Variants in GREB1L observed in about 807,000 individuals in gnomAD.
The protein encoded by GREB1L is GREB1 like retinoic acid receptor coactivator, also known as GREB1-like protein.
Under a neutral mutation model 200.8 loss-of-function variants are expected in GREB1L, and 17 were observed. The observed-to-expected ratio is 0.08, with a 90% CI of 0.06 to 0.13. GREB1L has a LOEUF of 0.13. Ranked by LOEUF, GREB1L falls within the 10% of genes least tolerant of loss-of-function variation. The pLI is 1.00. For missense variants in GREB1L, 1,657 were observed against 2,367.7 expected (o/e 0.70, Z 6.23); for synonymous variants, 789 against 893.0 (o/e 0.88, Z 2.08).
chr18:21,285,477 G>A (rs2038340334), intron 1 of GREB1L, among the ~76,000 whole-genome samples: 1 of 152,106 alleles, frequency 6.6e-6, no homozygotes, highest in Non-Finnish European at 1.5e-5. Flanking sequence ...ATAAATGCAG[G>A]TTTTCTTGGA....
intron 1 of GREB1L, among the ~76,000 whole-genome samples, chr18:21,304,703 T>C (rs1297441326): frequency 6.6e-6 from 1 of 151,300 alleles, no homozygotes; most frequent in Non-Finnish European, 1.5e-5. Context: ...AGGATCTGTT[T>C]AGAGAAAGAA....
intron 1 of GREB1L, among the ~76,000 whole-genome samples, chr18:21,262,218 A>C (rs1190165221): frequency 6.6e-6 from 1 of 152,148 alleles, no homozygotes; most frequent in Admixed American, 6.6e-5. Context: ...GATTTCCTTG[A>C]GAACAGGAGT....
At chr18:21,318,710 A>T (rs980532305) in intron 1 of GREB1L, among the ~76,000 whole-genome samples, 3 of 152,198 alleles carry the variant, frequency 2.0e-5, no homozygotes, top group Admixed American at 6.5e-5. Context: ...AATCTGTGAG[A>T]TGTGTCAGAC....
intron 1 of GREB1L, among the ~76,000 whole-genome samples, chr18:21,276,539 A>G (rs2038167414): frequency 6.6e-6 from 1 of 152,136 alleles, no homozygotes; most frequent in Non-Finnish European, 1.5e-5. Flanking sequence ...TGCCTGTTCC[A>G]CCATCCTTTC....
At chr18:21,452,829 A>C (rs571964053) in intron 14 of GREB1L, among the ~76,000 whole-genome samples, 1 of 152,226 alleles carries the variant, frequency 6.6e-6, no homozygotes, top group Non-Finnish European at 1.5e-5. Flanking sequence ...CAGAAAAAAG[A>C]ACAGGAGAAA....
At chr18:21,393,725 G>A (rs557843072) in intron 4 of GREB1L, among the ~76,000 whole-genome samples, 12 of 152,174 alleles carry the variant, frequency 7.9e-5, no homozygotes, top group East Asian at 5.8e-4. Context: ...CACCGCGCCC[G>A]GCCTTTTTTT....
intron 18 of GREB1L, among the ~76,000 whole-genome samples, chr18:21,488,792 G>A (rs1358709869): frequency 6.6e-6 from 1 of 152,072 alleles, no homozygotes; most frequent in Non-Finnish European, 1.5e-5. Flanking sequence ...AAGTAGCTGG[G>A]ATTACAGGCG....
intron 1 of GREB1L, among the ~76,000 whole-genome samples, chr18:21,351,745 G>C (rs1480479432): frequency 2.0e-4 from 30 of 152,288 alleles, no homozygotes; most frequent in Admixed American, 1.7e-3. Flanking sequence ...TGTGAAACTT[G>C]TGTTTCATCC....
At position 21,490,411 on chromosome 18, in the gene GREB1L, C is replaced by A. The variant is rs953723460; in HGVS notation, c.3030+60C>A. The A allele has an allele frequency of 4.2e-6, 6 of 1,426,124 alleles. No individual in the cohort carries two copies. In the African/African-American group the frequency reaches 5.7e-5, roughly 13 times the overall value. The allele number at this position is 1,426,124 out of a possible 1,614,324, so 88.3% of individuals were successfully genotyped here. Reference sequence around the variant, plus strand: ...CCATTTGTTTCTCTTTTCTAGGAATCCTACATAGGTGGCTCAGGGGCCTGA... The same window carrying A: ...CCATTTGTTTCTCTTTTCTAGGAATACTACATAGGTGGCTCAGGGGCCTGA... On this transcript the variant is annotated intron_variant, in intron 19 of 32. Transcript: ENST00000424526.
At chr18:21,265,261 C>A (rs751355970) in intron 1 of GREB1L, among the ~76,000 whole-genome samples, 1 of 151,700 alleles carries the variant, frequency 6.6e-6, no homozygotes, top group Admixed American at 6.6e-5. Flanking sequence ...GCTGTGTGTA[C>A]GAAATTCCCA....
At chr18:21,503,125 T>C (rs1422526933) in intron 23 of GREB1L, among the ~76,000 whole-genome samples, 1 of 152,124 alleles carries the variant, frequency 6.6e-6, no homozygotes, top group African/African-American at 2.4e-5. Context: ...CTCCAATCTT[T>C]AGCCTTTTTT....
chr18:21,452,156 A>T lies in GREB1L; in HGVS notation c.1923A>T (p.Gly641=), dbSNP rs967782817. 6.4e-7 allele frequency: 1 copy of T among 1,551,868 alleles called. No individual in the cohort carries two copies. Among genetic ancestry groups the T allele is most frequent in the African/African-American group, 1.4e-5 (1 of 73,062 alleles). ...RGDSVVTPFD[G]DLNECVSPQE... ...ACAGTGTGGTTACCCCTTTCGATGG[A>T]GACCTTAATGAATGTGTGTCACCCC... Residue 641 remains glycine (G), a synonymous_variant, in exon 14 of 33, where the codon GGA becomes GGT. Transcript: ENST00000424526.
At chr18:21,496,814 G>A (rs894319179) in intron 21 of GREB1L, 116 bp downstream of exon 21, 3 of 1,193,338 alleles carry the variant, frequency 2.5e-6, no homozygotes, top group Non-Finnish European at 3.5e-6. Context: ...GAGCCTTCAG[G>A]GACTGGCATC....
chr18:21,436,859 T>C (rs1170381312), intron 7 of GREB1L, among the ~76,000 whole-genome samples: 1 of 151,882 alleles, frequency 6.6e-6, no homozygotes, highest in East Asian at 2.0e-4. Context: ...TATAGGCACA[T>C]GCTGCCGTGC....
chr18:21,304,146 A>T (rs2038662654), intron 1 of GREB1L, among the ~76,000 whole-genome samples: 1 of 152,150 alleles, frequency 6.6e-6, no homozygotes, highest in Non-Finnish European at 1.5e-5. Flanking sequence ...GGCTTAAACT[A>T]TCAGAGCAAT....
At chr18:21,341,268 T>G (rs1032588498) in intron 1 of GREB1L, among the ~76,000 whole-genome samples, 17 of 152,226 alleles carry the variant, frequency 1.1e-4, no homozygotes, top group African/African-American at 4.1e-4. Flanking sequence ...ACCTGCCACT[T>G]GTCTTTATGA....
rs80083999 is a variant in GREB1L, at chr18:21,372,148, C to T, written c.-10+6012C>T. 9.0e-3 allele frequency among the ~76,000 whole-genome samples: 1,350 copies of T among 150,004 alleles called. 25 individuals are homozygous for T. Among genetic ancestry groups the T allele is most frequent in the African/African-American group, 0.031 (1,264 of 40,602 alleles). ...ACTACGAAGTTATACAAATTTGTCT[C>T]TCTTTTTTTTTTTTTTTTGAGACAG... On this transcript the variant is annotated intron_variant, in intron 2 of 32. Coordinates refer to ENST00000424526, the MANE Select transcript of GREB1L (RefSeq NM_001142966.3).
intron 1 of GREB1L, among the ~76,000 whole-genome samples, chr18:21,272,437 A>G (rs1391095503): frequency 3.9e-5 from 6 of 152,236 alleles, no homozygotes; most frequent in Admixed American, 3.9e-4. Context: ...AGTGAAATCT[A>G]GTTGTCACTG....
chr18:21,397,662 C>T (rs2144432731), intron 5 of GREB1L, among the ~76,000 whole-genome samples: 1 of 152,226 alleles, frequency 6.6e-6, no homozygotes, highest in Non-Finnish European at 1.5e-5. Context: ...GATGGCGCCC[C>T]TGCACTCTAG....
Sources: gnomAD v4.1 joint callset for allele counts (sites outside exome capture counted in the v4.1 genomes callset) on GRCh38, gnomAD v4.1.1 for gene constraint, MANE v1.5 for transcripts, NCBI Gene and HGNC (gene_info 2026-07-23, HGNC 2026-07-21) for gene names.